YTHDC1: variants seen among roughly 807,000 people sequenced by gnomAD.
The protein encoded by YTHDC1 is YTH N6-methyladenosine RNA binding protein C1.
YTHDC1 carries 12 observed loss-of-function variants against 107.0 expected under a neutral mutation model. The ratio of observed to expected loss-of-function variants is 0.11; its 90% CI spans 0.07 to 0.18. The LOEUF (loss-of-function observed/expected upper bound fraction) is 0.18. Ranked by LOEUF, YTHDC1 falls within the 10% of genes least tolerant of loss-of-function variation. The pLI, the probability that YTHDC1 is intolerant of heterozygous loss-of-function variation, is 1.00. For synonymous variants in YTHDC1, 280 were observed against 289.5 expected (o/e 0.97, Z 0.33); for missense variants, 635 against 898.8 (o/e 0.71, Z 3.75).
intron 9 of YTHDC1, among the ~76,000 whole-genome samples, chr4:68,328,182 GAACA>G (rs965827034): frequency 1.3e-5 from 2 of 152,068 alleles, no homozygotes; most frequent in Non-Finnish European, 2.9e-5. Context: ...AAGGTTAACA[GAACA>G]AATAACATTT....
chr4:68,315,475 G>C (rs116272490), intron 16 of YTHDC1, among the ~76,000 whole-genome samples: 9 of 152,092 alleles, frequency 5.9e-5, no homozygotes, highest in African/African-American at 2.2e-4. Flanking sequence ...AACCTAAGTA[G>C]GGAGTGGAAA....
chr4:68,348,431 C>G (rs1725685237), intron 1 of YTHDC1, among the ~76,000 whole-genome samples: 1 of 147,976 alleles, frequency 6.8e-6, no homozygotes, highest in South Asian at 2.2e-4. Flanking sequence ...CCTTTACTCA[C>G]TAACACCATA....
Position 68,320,068 on chromosome 4 carries a change from T to A in YTHDC1, c.1684+55A>T, listed in dbSNP as rs1019045909. 83 of 1,481,444 alleles carry A rather than the reference T, an allele frequency of 5.6e-5. No homozygotes were observed. In the East Asian group the frequency reaches 1.1e-3, roughly 20 times the overall value. The allele number at this position is 1,481,444 out of a possible 1,614,324, so 91.8% of individuals were successfully genotyped here. On this transcript the variant is annotated intron_variant, in intron 12 of 16. Coordinates refer to ENST00000344157, the MANE Select transcript of YTHDC1 (RefSeq NM_001031732.4). ...ATTGTGAGGGTTGTTTTTAATTTTT[T>A]AATTTTTTTCCAATAATTTGAAATC...
At chr4:68,329,810 T>C (rs937432087) in intron 9 of YTHDC1, among the ~76,000 whole-genome samples, 192 bp downstream of exon 9, 2 of 152,216 alleles carry the variant, frequency 1.3e-5, no homozygotes, top group African/African-American at 4.8e-5. Context: ...ACTGCTTTAT[T>C]ACTAATATAC....
rs112792549 is a variant in YTHDC1, at chr4:68,346,134, G to A, written c.28+3592C>T. ...ACCTGCATGTAACCGTCTGTATAAC[G>A]GCTGGGCACGGTGGCTCACACCTGT... is the stretch of plus-strand genomic sequence containing the variant. On this transcript the variant is annotated intron_variant, in intron 1 of 16. Coordinates refer to ENST00000344157, the MANE Select transcript of YTHDC1 (RefSeq NM_001031732.4). Among the ~76,000 whole-genome samples the A allele has an allele frequency of 3.8e-3, 551 of 146,128 alleles. 5 individuals are homozygous for A. Among genetic ancestry groups the A allele is most frequent in the African/African-American group, 0.013 (492 of 39,034 alleles).
At position 68,337,641 on chromosome 4, in the gene YTHDC1, A is replaced by T. The variant is rs1428904011; in HGVS notation, c.390T>A (p.Pro130=). The change falls in exon 3 of 17, where the codon CCT becomes CCA. Residue 130 remains proline (P), a synonymous_variant. Coordinates refer to ENST00000344157, the MANE Select transcript of YTHDC1 (RefSeq NM_001031732.4). ...SASREPYKNQ[P]EKTCVRKRDP... ...CCCTTTTCCGGACACAGGTTTTTTC[A>T]GGTTGATTCTTATAAGGTTCTCTGG... The T allele has an allele frequency of 1.2e-6, 2 of 1,613,500 alleles. No homozygotes were observed. The highest frequency in any genetic ancestry group is 2.7e-5 in the African/African-American group (2 of 74,806).
chr4:68,331,974 C>A, intron 7 of YTHDC1, 129 bp downstream of exon 7: 1 of 486,252 alleles, frequency 2.1e-6, no homozygotes, highest in Non-Finnish European at 3.5e-6. Flanking sequence ...CCTAAGTGGC[C>A]ATTGGAATGT....
chr4:68,341,005 C>A (rs1724745736), intron 1 of YTHDC1, among the ~76,000 whole-genome samples: 1 of 152,082 alleles, frequency 6.6e-6, no homozygotes, highest in South Asian at 2.1e-4. Context: ...TTTTTCAAGA[C>A]AACAAATATT....
chr4:68,326,484 T>C (rs143397406), intron 9 of YTHDC1, among the ~76,000 whole-genome samples: 111 of 152,320 alleles, frequency 7.3e-4, no homozygotes, highest in African/African-American at 2.4e-3. Context: ...TTATGAAGCA[T>C]ACAGATACAA....
chr4:68,347,605 C>T (rs1042681472), intron 1 of YTHDC1, among the ~76,000 whole-genome samples: 2 of 152,108 alleles, frequency 1.3e-5, no homozygotes, highest in African/African-American at 4.8e-5. Context: ...CCAATTTCTG[C>T]AACTTATAGA....
Position 68,349,957 on chromosome 4 carries a change from C to T in YTHDC1, c.-204G>A. ...CCCTTCCTTTCACTCCAGCATCCAG[C>T]GGCCTAGGCCCAGCCTTCTCGTTAG... On this transcript the variant is annotated 5_prime_UTR_variant, in exon 1 of 17. Coordinates refer to ENST00000344157, the MANE Select transcript of YTHDC1 (RefSeq NM_001031732.4). 2.9e-6 allele frequency: 2 copies of T among 699,550 alleles called. No individual in the cohort carries two copies. The highest frequency in any genetic ancestry group is 2.6e-5 in the Admixed American group (1 of 38,660). 43.3% of individuals were successfully genotyped at this position (699,550 alleles called of 1,614,324 possible).
chr4:68,336,449 TG>T (rs1724176013), intron 4 of YTHDC1, among the ~76,000 whole-genome samples: 1 of 152,204 alleles, frequency 6.6e-6, no homozygotes, highest in South Asian at 2.1e-4. Context: ...GGTTCTTACC[TG>T]ATTTTTCCAC....
chr4:68,342,319 C>G (rs1334584746), intron 1 of YTHDC1, among the ~76,000 whole-genome samples: 1 of 152,104 alleles, frequency 6.6e-6, no homozygotes. Context: ...TCCAACATTT[C>G]TGTGTGTGTG....
chr4:68,327,654 T>G (rs565530396), intron 9 of YTHDC1, among the ~76,000 whole-genome samples: 10 of 152,264 alleles, frequency 6.6e-5, no homozygotes, highest in Non-Finnish European at 8.8e-5. Context: ...AATTATTATA[T>G]CTGCAAAAGA....
chr4:68,333,382 T>C lies in YTHDC1; in HGVS notation c.899A>G (p.Glu300Gly). Residue 300 changes from glutamate (E) to glycine (G), a missense_variant, in exon 5 of 17, where the codon GAA becomes GGA. Transcript: ENST00000344157. Reference protein sequence around the residue: ...GTDGSDEKKKERKRARGISPI... With the variant: ...GTDGSDEKKKGRKRARGISPI... ...AGATATGCCTCTAGCTCTCTTCCTTTCCTTCTTTTTCTCATCTAAAAAGAA... is the reference window on the plus strand; with the variant it reads ...AGATATGCCTCTAGCTCTCTTCCTTCCCTTCTTTTTCTCATCTAAAAAGAA... 2 of 1,607,694 alleles carry C rather than the reference T, an allele frequency of 1.2e-6. No homozygotes were observed. Among genetic ancestry groups the C allele is most frequent in the Non-Finnish European group, 1.7e-6 (2 of 1,177,712 alleles).
intron 4 of YTHDC1, among the ~76,000 whole-genome samples, chr4:68,335,719 A>G (rs1724081990): frequency 6.6e-6 from 1 of 152,122 alleles, no homozygotes; most frequent in Non-Finnish European, 1.5e-5. Flanking sequence ...ACATACTGCT[A>G]ATGAAATATT....
At chr4:68,328,225 A>C (rs1311495511) in intron 9 of YTHDC1, among the ~76,000 whole-genome samples, 1 of 152,196 alleles carries the variant, frequency 6.6e-6, no homozygotes, top group African/African-American at 2.4e-5. Context: ...ACCCACATAA[A>C]AATGGGCAAT....
At position 68,316,045 on chromosome 4, in the gene YTHDC1, T is replaced by C. The variant is rs74717170; in HGVS notation, c.1959+269A>G. The C allele has an allele frequency of 0.017, 4,723 of 277,092 alleles. 415 individuals carry two copies. In the East Asian group the frequency reaches 0.21, roughly 12 times the overall value. 17.2% of individuals were successfully genotyped at this position (277,092 alleles called of 1,614,324 possible). A position where few individuals can be genotyped will look rare whatever the true frequency, so the allele number is the denominator to read the frequency against. On this transcript the variant is annotated intron_variant, in intron 16 of 16. Coordinates refer to ENST00000344157, the MANE Select transcript of YTHDC1 (RefSeq NM_001031732.4). ...TTAAGATCTCAATATGGAAAGAACA[T>C]AGCCTAGGTACTACCTAAAAGGAGT...
At chr4:68,344,560 T>C (rs1355638941) in intron 1 of YTHDC1, among the ~76,000 whole-genome samples, 1 of 152,218 alleles carries the variant, frequency 6.6e-6, no homozygotes, top group African/African-American at 2.4e-5. Flanking sequence ...GACTCTTCAG[T>C]GCTGCCTCAA....
Sources: gnomAD v4.1 joint callset for allele counts (sites outside exome capture counted in the v4.1 genomes callset) on GRCh38, gnomAD v4.1.1 for gene constraint, MANE v1.5 for transcripts, NCBI Gene and HGNC (gene_info 2026-07-23, HGNC 2026-07-21) for gene names.